The following DHX30 variants were observed in gnomAD, a reference collection of about 807,000 sequenced individuals.
DHX30 encodes ATP-dependent RNA helicase DHX30.
In DHX30, 4 loss-of-function variants were observed where a neutral mutation model predicts 116.9. The observed-to-expected ratio is 0.03, with a 90% CI of 0.02 to 0.08. DHX30 has a LOEUF of 0.08. DHX30 is among the 10% of genes least tolerant of loss of function. The probability of loss-of-function intolerance (pLI) is 1.00; values close to 1 mark genes in which losing one functional copy is unlikely to be tolerated. For synonymous variants in DHX30, 697 were observed against 651.7 expected (o/e 1.07, Z -1.06); for missense variants, 871 against 1,595.1 (o/e 0.55, Z 7.73).
At position 47,841,033 on chromosome 3, in the gene DHX30, C is replaced by T. The variant is rs750224302; in HGVS notation, c.523C>T (p.Pro175Ser). Residue 175 changes from proline to serine, a missense_variant, in exon 7 of 22, where the codon CCA (proline) becomes TCA (serine). This residue lies in a region of DHX30 where 109 missense variants were observed against 118.8 expected (regional missense o/e 0.92). Transcript: ENST00000445061. ...GCAGCTGAATCCAGAGAGTATTCGA[C>T]CAGGGGGACCTGGGGGCCTATCCCG... ...WRQLNPESIR[P>S]GGPGGLSRSL... The T allele has an allele frequency of 6.2e-7, 1 of 1,614,190 alleles. No homozygotes were observed. The highest frequency in any genetic ancestry group is 8.5e-7 in the Non-Finnish European group (1 of 1,180,022).
intron 4 of DHX30, 91 bp downstream of exon 4, chr3:47,818,208 C>T: frequency 1.4e-6 from 1 of 709,884 alleles, no homozygotes. Context: ...AGGGCCACAG[C>T]CCTCCAGAAA....
At chr3:47,823,396 A>C (rs1576478974) in intron 4 of DHX30, among the ~76,000 whole-genome samples, 1 of 136,008 alleles carries the variant, frequency 7.4e-6, no homozygotes, top group Admixed American at 8.2e-5. Context: ...ACGGAGTCTC[A>C]CTCTGTTGCC....
At position 47,841,472 on chromosome 3, in the gene DHX30, G is replaced by A; in HGVS notation, c.669-145G>A. The A allele has an allele frequency of 7.8e-6, 9 of 1,146,554 alleles. No homozygotes were observed. The South Asian group carries it at 1.4e-4, about 18-fold the overall frequency. 71.0% of individuals were successfully genotyped at this position (1,146,554 alleles called of 1,614,324 possible). A position where few individuals can be genotyped will look rare whatever the true frequency, so the allele number is the denominator to read the frequency against. Reference sequence around the variant, plus strand: ...GCAGTGTGGCTGTGGGAGGAGCAGAGACGCCCGGTTTCCCATCCATTTCAT... The same window carrying A: ...GCAGTGTGGCTGTGGGAGGAGCAGAAACGCCCGGTTTCCCATCCATTTCAT... On this transcript the variant is annotated intron_variant, in intron 7 of 21. Coordinates refer to ENST00000445061, the MANE Select transcript of DHX30 (RefSeq NM_138615.3).
intron 3 of DHX30, among the ~76,000 whole-genome samples, chr3:47,813,571 G>GCCTGTAGC (rs2035897369): frequency 6.6e-6 from 1 of 152,218 alleles, no homozygotes; most frequent in Non-Finnish European, 1.5e-5. Flanking sequence ...AGAGTAAAGG[G>GCCTGTAGC]CCTGTAGCCC....
At chr3:47,824,531 A>T (rs1394541227) in intron 4 of DHX30, among the ~76,000 whole-genome samples, 1 of 151,902 alleles carries the variant, frequency 6.6e-6, no homozygotes, top group Non-Finnish European at 1.5e-5. Flanking sequence ...GGCTCAGGGG[A>T]TCCATCCGCC....
chr3:47,822,449 T>A (rs912744413), intron 4 of DHX30: 4 of 135,736 alleles, frequency 2.9e-5, no homozygotes, highest in African/African-American at 5.2e-5. Flanking sequence ...AAAAGGCACA[T>A]CTTACATGGT....
intron 2 of DHX30, among the ~76,000 whole-genome samples, chr3:47,806,703 C>T (rs1270832175): frequency 1.3e-5 from 2 of 151,912 alleles, no homozygotes; most frequent in African/African-American, 4.8e-5. Flanking sequence ...CTTCGGCCTC[C>T]CAAAGTGCTG....
intron 3 of DHX30, among the ~76,000 whole-genome samples, chr3:47,814,799 T>A (rs2035974815): frequency 6.6e-6 from 1 of 152,118 alleles, no homozygotes; most frequent in Non-Finnish European, 1.5e-5. Flanking sequence ...GGATTACAGG[T>A]GTGAACCACC....
At chr3:47,845,647 T>C in intron 9 of DHX30, 53 bp from the exon 10 acceptor site, 2 of 1,459,792 alleles carry the variant, frequency 1.4e-6, no homozygotes, top group Non-Finnish European at 1.8e-6. Flanking sequence ...TTGTCTGGGC[T>C]GGTTTTTGGG....
intron 3 of DHX30, among the ~76,000 whole-genome samples, chr3:47,811,487 A>T (rs1350713448): frequency 6.6e-6 from 1 of 152,170 alleles, no homozygotes; most frequent in African/African-American, 2.4e-5. Context: ...TTTCGCACAT[A>T]GTAGGCCTCA....
At chr3:47,846,036 G>A in intron 10 of DHX30, 129 bp from the exon 11 acceptor site, 4 of 1,397,908 alleles carry the variant, frequency 2.9e-6, no homozygotes, top group Non-Finnish European at 3.9e-6. Flanking sequence ...GGCAGTCATG[G>A]ACTAAATTAA....
At chr3:47,821,787 T>G (rs1004053232) in intron 4 of DHX30, among the ~76,000 whole-genome samples, 1 of 151,762 alleles carries the variant, frequency 6.6e-6, no homozygotes, top group Non-Finnish European at 1.5e-5. Context: ...TTAGTAGAGA[T>G]GGAGTTTCAC....
rs1402121943 is a variant in DHX30 at position 47,819,457 on chromosome 3, C to T, written c.124+1340C>T. 3.9e-5 allele frequency among the ~76,000 whole-genome samples: 6 copies of T among 152,182 alleles called. 1 individual carries two copies. The South Asian group carries it at 1.2e-3, about 31-fold the overall frequency. The stretch of plus-strand genomic sequence containing the variant: ...CTCTCTTCCCCAGAGGAGTGCAGAC[C>T]CCTGAGCCTGGTGGTCTCTCCTCAC... On this transcript the variant is annotated intron_variant, in intron 4 of 21. Coordinates refer to ENST00000445061, the MANE Select transcript of DHX30 (RefSeq NM_138615.3).
chr3:47,814,097 C>T (rs539433037), intron 3 of DHX30, among the ~76,000 whole-genome samples: 39 of 151,544 alleles, frequency 2.6e-4, no homozygotes, highest in African/African-American at 8.7e-4. Flanking sequence ...ATTAATAGTA[C>T]TGATTTTGTA....
In DHX30 at chr3:47,850,011, C is replaced by T. The variant is rs1213951123; in HGVS notation, c.3476C>T (p.Ala1159Val). ...VERSLRSELA[A>V]LPPSVQEEHG... Reference sequence around the variant, plus strand: ...CGGAGCCTGCGCAGCGAGCTGGCTGCACTTCCCCCCAGCGTACAGGAGGAG... The same window carrying T: ...CGGAGCCTGCGCAGCGAGCTGGCTGTACTTCCCCCCAGCGTACAGGAGGAG... Residue 1159 changes from alanine to valine, a missense_variant, in exon 22 of 22, where the codon GCA becomes GTA. By Grantham distance (64) the Ala-to-Val change is moderately conservative. This residue lies in a region of DHX30 where 52 missense variants were observed against 50.1 expected (regional missense o/e 1.04). Transcript: ENST00000445061. 1.9e-6 allele frequency: 3 copies of T among 1,611,046 alleles called. No individual in the cohort carries two copies. The highest frequency in any genetic ancestry group is 2.5e-6 in the Non-Finnish European group (3 of 1,179,336).
chr3:47,829,667 C>T (rs1201420112), intron 6 of DHX30, among the ~76,000 whole-genome samples: 3 of 151,670 alleles, frequency 2.0e-5, no homozygotes, highest in Non-Finnish European at 4.4e-5. Flanking sequence ...AACCGCCCAG[C>T]CTATCTTCTG....
At chr3:47,845,925 C>T in intron 10 of DHX30, 73 bp downstream of exon 10, 1 of 1,531,104 alleles carries the variant, frequency 6.5e-7, no homozygotes, top group Non-Finnish European at 8.8e-7. Context: ...TGAAGGCCTC[C>T]ACCTGCGACA....
Position 47,847,838 on chromosome 3 carries a change from G to A in DHX30, c.2168G>A (p.Gly723Glu). 1 of 1,614,176 alleles carries A rather than the reference G, an allele frequency of 6.2e-7. No individual in the cohort carries two copies. The highest frequency in any genetic ancestry group is 1.3e-5 in the African/African-American group (1 of 75,048). ...GCCATATTCCAGCAGCCTCCAGTTGGGGTGCGCAAGATTGTCTTGGCCACC... is the reference window on the plus strand; with the variant it reads ...GCCATATTCCAGCAGCCTCCAGTTGAGGTGCGCAAGATTGTCTTGGCCACC... Reference protein sequence around the residue: ...QKAIFQQPPVGVRKIVLATNI... With the variant: ...QKAIFQQPPVEVRKIVLATNI... The change falls in exon 14 of 22, where the codon GGG becomes GAG. Residue 723 changes from glycine to glutamate, a missense_variant. Coordinates refer to ENST00000445061, the MANE Select transcript of DHX30 (RefSeq NM_138615.3). This position sits in a 1 kb window ranked among gnomAD's most constrained non-coding sequence, Gnocchi z 5.5.
At position 47,829,141 on chromosome 3, in the gene DHX30, C is replaced by G; in HGVS notation, c.366+7C>G. 1 of 1,513,194 alleles carries G rather than the reference C, an allele frequency of 6.6e-7. No homozygotes were observed. Among genetic ancestry groups the G allele is most frequent in the Non-Finnish European group, 9.0e-7 (1 of 1,115,390 alleles). 93.7% of individuals were successfully genotyped at this position (1,513,194 alleles called of 1,614,324 possible). A position where few individuals can be genotyped will look rare whatever the true frequency, so the allele number is the denominator to read the frequency against. ...AGCCTGCCAGCTGTTCAAGGTGACC[C>G]TTCCTCAGTGAAAGCCACTGAGACC... On this transcript the variant is annotated splice_region_variant and intron_variant, in intron 6 of 21. Coordinates refer to ENST00000445061, the MANE Select transcript of DHX30 (RefSeq NM_138615.3).
Sources: gnomAD v4.1 joint callset for allele counts (sites outside exome capture counted in the v4.1 genomes callset) on GRCh38, gnomAD v4.1.1 for gene constraint, gnomAD v4.1.1 regional missense constraint, Gnocchi (gnomAD v3.1) non-coding constraint, MANE v1.5 for transcripts, NCBI Gene and HGNC (gene_info 2026-07-23, HGNC 2026-07-21) for gene names.